ALKBH5: variants seen among roughly 807,000 people sequenced by gnomAD.
ALKBH5 encodes alkB homolog 5, RNA demethylase.
Under a neutral mutation model 32.1 loss-of-function variants are expected in ALKBH5, and 2 were observed. The observed-to-expected ratio is 0.06, with a 90% CI of 0.03 to 0.20. The LOEUF (loss-of-function observed/expected upper bound fraction) is 0.20. ALKBH5 is among the 10% of genes least tolerant of loss of function. ALKBH5 has a pLI of 1.00. For synonymous variants in ALKBH5, 300 were observed against 231.7 expected (o/e 1.29, Z -2.68); for missense variants, 352 against 559.5 (o/e 0.63, Z 3.74).
At chr17:18,204,334 CT>C in intron 2 of ALKBH5, among the ~76,000 whole-genome samples, 1 of 152,232 alleles carries the variant, frequency 6.6e-6, no homozygotes, top group African/African-American at 2.4e-5. Context: ...GCCTGTAATC[CT>C]AGCAATTCGG....
rs562260152 is a variant in ALKBH5 at position 18,209,488 on chromosome 17, C to T, written c.*1092C>T. The T allele has an allele frequency of 6.6e-6, 1 of 152,520 alleles. No homozygotes were observed. The highest frequency in any genetic ancestry group is 1.5e-5 in the Non-Finnish European group (1 of 68,032). The allele number at this position is 152,520 out of a possible 1,614,324, so 9.4% of individuals were successfully genotyped here. A position where few individuals can be genotyped will look rare whatever the true frequency, so the allele number is the denominator to read the frequency against. ...GACTGGGCTGGTGCCTCCTCCGCTT[C>T]AGGGTATGGGAGTTGGTGAAGGGGC... On this transcript the variant is annotated 3_prime_UTR_variant, in exon 4 of 4. Coordinates refer to ENST00000399138, the MANE Select transcript of ALKBH5 (RefSeq NM_017758.4).
rs146427918 is a variant in ALKBH5, at chr17:18,202,189, G to A, written c.852-4626G>A. 2.5e-3 allele frequency among the ~76,000 whole-genome samples: 373 copies of A among 151,738 alleles called. 5 individuals are homozygous for A. Among genetic ancestry groups the A allele is most frequent in the African/African-American group, 7.7e-3 (320 of 41,362 alleles). On this transcript the variant is annotated intron_variant, in intron 2 of 3. Coordinates refer to ENST00000399138, the MANE Select transcript of ALKBH5 (RefSeq NM_017758.4). ...CCGGGCATGGTGGCAGGCGCCTGTC[G>A]TTGCAGCTACTTGGAGGCTGAGGCA...
chr17:18,185,703 C>G (rs2047135130), intron 1 of ALKBH5, among the ~76,000 whole-genome samples: 1 of 152,186 alleles, frequency 6.6e-6, no homozygotes, highest in South Asian at 2.1e-4. Context: ...GACTGTTTGG[C>G]CTTACAGTTG....
chr17:18,200,028 C>T (rs922585693), intron 2 of ALKBH5, among the ~76,000 whole-genome samples: 1 of 147,450 alleles, frequency 6.8e-6, no homozygotes, highest in Non-Finnish European at 1.5e-5. Flanking sequence ...ACCTGGGAGG[C>T]GGAGGTTGCA....
chr17:18,202,086 T>C (rs2047245000), intron 2 of ALKBH5, among the ~76,000 whole-genome samples: 1 of 151,814 alleles, frequency 6.6e-6, no homozygotes, highest in Admixed American at 6.6e-5. Flanking sequence ...GGCGGGCGGA[T>C]CGTGAGGTCA....
intron 2 of ALKBH5, among the ~76,000 whole-genome samples, chr17:18,199,193 G>A (rs1220804066): frequency 6.6e-6 from 1 of 152,176 alleles, no homozygotes; most frequent in Non-Finnish European, 1.5e-5. Flanking sequence ...GGCTCTTTGA[G>A]GTGCCTCAGC....
intron 2 of ALKBH5, among the ~76,000 whole-genome samples, chr17:18,204,042 A>G (rs1207587465): frequency 6.6e-6 from 1 of 152,128 alleles, no homozygotes; most frequent in African/African-American, 2.4e-5. Flanking sequence ...CAGAGGAGGG[A>G]CTTTCTTCAA....
intron 2 of ALKBH5, 170 bp from the exon 3 acceptor site, chr17:18,206,645 T>G (rs1299643621): frequency 1.4e-6 from 1 of 699,092 alleles, no homozygotes; most frequent in Non-Finnish European, 2.4e-6. Context: ...TCTTTGAAAG[T>G]CAGCTAGACC....
intron 2 of ALKBH5, among the ~76,000 whole-genome samples, chr17:18,203,071 TAA>T (rs771396075): frequency 1.3e-3 from 167 of 133,476 alleles, no homozygotes; most frequent in African/African-American, 1.8e-3. Context: ...GATTGTCTTT[TAA>T]AAAAAAAAAA....
chr17:18,184,301 C>A lies in ALKBH5; in HGVS notation c.58C>A (p.Arg20=). The A allele has an allele frequency of 6.5e-7, 1 of 1,527,342 alleles. No individual in the cohort carries two copies. Among genetic ancestry groups the A allele is most frequent in the Non-Finnish European group, 8.8e-7 (1 of 1,140,190 alleles). The allele number at this position is 1,527,342 out of a possible 1,614,324, so 94.6% of individuals were successfully genotyped here. The stretch of plus-strand genomic sequence containing the variant: ...TGAGAAGCTCAAGTCCATGACGTCC[C>A]GGGACAACTATAAGGCGGGCAGCCG... ...LREKLKSMTS[R]DNYKAGSREA... The change falls in exon 1 of 4, where the codon CGG becomes AGG. Residue 20 remains arginine (R), a synonymous_variant. Coordinates refer to ENST00000399138, the MANE Select transcript of ALKBH5 (RefSeq NM_017758.4).
At chr17:18,200,360 C>T (rs2047229476) in intron 2 of ALKBH5, among the ~76,000 whole-genome samples, 1 of 151,960 alleles carries the variant, frequency 6.6e-6, no homozygotes, top group Non-Finnish European at 1.5e-5. Context: ...ACTAGGGCAC[C>T]CAATCCCTTG....
intron 1 of ALKBH5, among the ~76,000 whole-genome samples, chr17:18,194,501 C>G (rs184220548): frequency 6.6e-6 from 1 of 152,024 alleles, no homozygotes; most frequent in Non-Finnish European, 1.5e-5. Context: ...AATTTTGGAT[C>G]CCCCCAAATG....
chr17:18,192,459 T>C (rs1429225813), intron 1 of ALKBH5, among the ~76,000 whole-genome samples: 1 of 152,252 alleles, frequency 6.6e-6, no homozygotes, highest in Admixed American at 6.5e-5. Context: ...TTTAAAATCT[T>C]GTAATATTAG....
At chr17:18,205,671 C>A (rs1276271709) in intron 2 of ALKBH5, among the ~76,000 whole-genome samples, 2 of 152,128 alleles carry the variant, frequency 1.3e-5, no homozygotes, top group Non-Finnish European at 1.5e-5. Flanking sequence ...GTAGGCCAGC[C>A]AGTGGAATGT....
chr17:18,203,061 G>A (rs936985461), intron 2 of ALKBH5, among the ~76,000 whole-genome samples: 4 of 131,716 alleles, frequency 3.0e-5, no homozygotes, highest in South Asian at 5.3e-4. Flanking sequence ...GACAGAGCAA[G>A]ATTGTCTTTT....
At chr17:18,205,067 A>G (rs1354906570) in intron 2 of ALKBH5, among the ~76,000 whole-genome samples, 1 of 152,104 alleles carries the variant, frequency 6.6e-6, no homozygotes, top group African/African-American at 2.4e-5. Flanking sequence ...AAAAAAAAGA[A>G]TGGTTCTATT....
At chr17:18,193,152 G>A (rs376010249) in intron 1 of ALKBH5, among the ~76,000 whole-genome samples, 35 of 151,454 alleles carry the variant, frequency 2.3e-4, no homozygotes, top group Middle Eastern at 3.4e-3. Context: ...GTGAGCCACC[G>A]TGCCTAGCCT....
intron 1 of ALKBH5, among the ~76,000 whole-genome samples, chr17:18,190,438 TACTCGG>T (rs200471030): frequency 0.014 from 2,107 of 151,588 alleles, 19 homozygotes; most frequent in Non-Finnish European, 0.022. Flanking sequence ...TAATCCCAGC[TACTCGG>T]GAGGCTGAGG....
At chr17:18,198,744 A>C (rs966349696) in intron 2 of ALKBH5, among the ~76,000 whole-genome samples, 4 of 152,178 alleles carry the variant, frequency 2.6e-5, no homozygotes, top group Non-Finnish European at 5.9e-5. Context: ...GGCAGCTGCC[A>C]AGTGCTTTCT....
Sources: allele counts gnomAD v4.1 joint callset (sites outside exome capture counted in the v4.1 genomes callset), GRCh38; gene constraint gnomAD v4.1.1; transcripts MANE v1.5; gene names NCBI Gene and HGNC (gene_info 2026-07-23, HGNC 2026-07-21).